SOX5: variants seen among roughly 807,000 people sequenced by gnomAD.
SOX5 encodes SRY-box transcription factor 5.
SOX5 carries 9 observed loss-of-function variants against 92.0 expected under a neutral mutation model. That is an observed-to-expected ratio of 0.10 (90% CI 0.06 to 0.17). The LOEUF (loss-of-function observed/expected upper bound fraction) is 0.17, where lower values mean the gene tolerates loss of function less well. Among genes scored for constraint, SOX5 ranks in the 10% least tolerant of loss-of-function variants. SOX5 has a pLI of 1.00. For synonymous variants in SOX5, 344 were observed against 336.3 expected (o/e 1.02, Z -0.25); for missense variants, 642 against 944.5 (o/e 0.68, Z 4.20).
In SOX5 at chr12:24,141,548, T is replaced by C. The variant is rs536900582; in HGVS notation, c.-2+71795A>G. 4.6e-5 allele frequency among the ~76,000 whole-genome samples: 7 copies of C among 152,320 alleles called. No homozygotes were observed. The South Asian group carries it at 1.0e-3, about 23-fold the overall frequency. On this transcript the variant is annotated intron_variant, in intron 4 of 4. Coordinates refer to the SOX5 transcript ENST00000446891. Reference sequence around the variant, plus strand: ...TTTTGCCTAGCAGGGTCTCTTGTTTTGTAAACGGCTGGAAGAATCCTTCAG... The same window carrying C: ...TTTTGCCTAGCAGGGTCTCTTGTTTCGTAAACGGCTGGAAGAATCCTTCAG...
chr12:24,438,627 T>C (rs1217165464), intron 1 of SOX5, among the ~76,000 whole-genome samples: 1 of 152,062 alleles, frequency 6.6e-6, no homozygotes, highest in Non-Finnish European at 1.5e-5. Context: ...TTGGAAGAAG[T>C]TGATTCCAAT....
intron 8 of SOX5, among the ~76,000 whole-genome samples, chr12:23,622,696 A>G (rs902841573): frequency 6.6e-6 from 1 of 152,174 alleles, no homozygotes; most frequent in Non-Finnish European, 1.5e-5. Context: ...TCACACTTCC[A>G]TAAACTTTAA....
chr12:23,997,710 C>T (rs1044320717), intron 4 of SOX5, among the ~76,000 whole-genome samples: 68 of 152,154 alleles, frequency 4.5e-4, no homozygotes, highest in African/African-American at 1.5e-3. Flanking sequence ...AACAATAGAA[C>T]TCTTCTTGGC....
At chr12:24,422,419 G>A (rs969801608) in intron 1 of SOX5, among the ~76,000 whole-genome samples, 5 of 152,114 alleles carry the variant, frequency 3.3e-5, no homozygotes, top group Admixed American at 2.0e-4. Flanking sequence ...GCTCAACTCT[G>A]CAGCCGTCTC....
intron 1 of SOX5, among the ~76,000 whole-genome samples, chr12:24,548,139 A>G (rs73074168): frequency 6.6e-6 from 1 of 152,336 alleles, no homozygotes; most frequent in Non-Finnish European, 1.5e-5. Context: ...TCAGACTCAG[A>G]GGGCTCAAGT....
intron 3 of SOX5, among the ~76,000 whole-genome samples, chr12:23,798,885 T>C (rs978133549): frequency 1.4e-4 from 22 of 152,052 alleles, no homozygotes; most frequent in Non-Finnish European, 2.2e-4. Context: ...CAAATATACA[T>C]GTACATTTTC....
rs1158135363 is a variant in SOX5, at chr12:24,488,973, T to C, written c.-251+73356A>G. Among the ~76,000 whole-genome samples the C allele has an allele frequency of 3.9e-5, 6 of 152,312 alleles. No homozygotes were observed. The East Asian group carries it at 9.6e-4, about 24-fold the overall frequency. On this transcript the variant is annotated intron_variant, in intron 1 of 4. Transcript: ENST00000446891. ...CGGATGGAATGATGTCCCAGAAAAC[T>C]ATATTTATTGTGCTAATGCACCATT...
At chr12:24,003,393 T>A (rs1266299445) in intron 4 of SOX5, among the ~76,000 whole-genome samples, 1 of 151,912 alleles carries the variant, frequency 6.6e-6, no homozygotes, top group Non-Finnish European at 1.5e-5. Flanking sequence ...GGGTGTTTGA[T>A]CCTATATGAA....
At chr12:24,483,756 A>G (rs1181325131) in intron 1 of SOX5, among the ~76,000 whole-genome samples, 1 of 152,234 alleles carries the variant, frequency 6.6e-6, no homozygotes, top group East Asian at 1.9e-4. Context: ...TAAATTGGAT[A>G]TAAATTAGTT....
At chr12:23,861,461 A>G (rs2096756835) in intron 2 of SOX5, among the ~76,000 whole-genome samples, 1 of 152,170 alleles carries the variant, frequency 6.6e-6, no homozygotes. Context: ...CCTATGGAGT[A>G]TAAAGAGGAG....
rs1963829535 is a variant in SOX5, at chr12:24,410,234, T to C, written c.-250-41595A>G. On this transcript the variant is annotated intron_variant, in intron 1 of 4. Transcript: ENST00000446891. ...GCTGGTCTCCAACTCCTGAGTTCAA[T>C]TGATCCGCTTGCCTCGGCCTCCCAA... Among the ~76,000 whole-genome samples the C allele has an allele frequency of 2.0e-5, 3 of 152,200 alleles. No homozygotes were observed. The South Asian group carries it at 6.2e-4, about 32-fold the overall frequency.
chr12:23,554,351 T>C (rs1944740377), intron 11 of SOX5, among the ~76,000 whole-genome samples: 1 of 152,092 alleles, frequency 6.6e-6, no homozygotes, highest in African/African-American at 2.4e-5. Context: ...AAACAAAATT[T>C]TTTTGATCAA....
intron 9 of SOX5, among the ~76,000 whole-genome samples, chr12:23,593,039 C>A (rs7975283): frequency 0.64 from 96,814 of 151,832 alleles, 32,229 homozygotes; most frequent in Middle Eastern, 0.8. Flanking sequence ...AGATCGCGCC[C>A]CTGCACTCCA....
chr12:24,370,090 T>C (rs551300844), intron 1 of SOX5, among the ~76,000 whole-genome samples: 40 of 152,312 alleles, frequency 2.6e-4, no homozygotes, highest in African/African-American at 9.6e-4. Flanking sequence ...CATTTAGAAA[T>C]GAATGAATCA....
At chr12:23,696,413 T>C (rs2089872393) in intron 6 of SOX5, among the ~76,000 whole-genome samples, 1 of 152,154 alleles carries the variant, frequency 6.6e-6, no homozygotes, top group South Asian at 2.1e-4. Context: ...GTATAAAGTT[T>C]TTCATAACAG....
At chr12:23,741,781 T>A (rs2093806163) in intron 4 of SOX5, among the ~76,000 whole-genome samples, 1 of 152,194 alleles carries the variant, frequency 6.6e-6, no homozygotes, top group Non-Finnish European at 1.5e-5. Flanking sequence ...CAAATTAGCA[T>A]CACATTATGG....
At chr12:23,536,759 G>A in intron 13 of SOX5, 90 bp from the exon 14 acceptor site, 6 of 1,035,518 alleles carry the variant, frequency 5.8e-6, no homozygotes, top group Non-Finnish European at 9.0e-6. Flanking sequence ...ATCTAAAGTT[G>A]AGATGTTAGC....
intron 4 of SOX5, among the ~76,000 whole-genome samples, chr12:23,963,528 T>G (rs1166268863): frequency 6.6e-6 from 1 of 152,098 alleles, no homozygotes; most frequent in Non-Finnish European, 1.5e-5. Context: ...GGAGCAAAAT[T>G]CAGTATCAGG....
chr12:24,177,613 T>G (rs1473875443), intron 4 of SOX5, among the ~76,000 whole-genome samples: 1 of 152,176 alleles, frequency 6.6e-6, no homozygotes, highest in African/African-American at 2.4e-5. Context: ...ACTCAACTCT[T>G]TCTCCCATAA....
Sources: gnomAD v4.1 joint callset for allele counts (sites outside exome capture counted in the v4.1 genomes callset) on GRCh38, gnomAD v4.1.1 for gene constraint, MANE v1.5 for transcripts, NCBI Gene and HGNC (gene_info 2026-07-23, HGNC 2026-07-21) for gene names.